ADSS2: variants seen among roughly 807,000 people sequenced by gnomAD.
ADSS2 encodes adenylosuccinate synthetase isozyme 2.
Under a neutral mutation model 60.0 loss-of-function variants are expected in ADSS2, and 30 were observed. The ratio of observed to expected loss-of-function variants is 0.50; its 90% CI spans 0.37 to 0.68. The LOEUF is 0.68. ADSS2 is among the 30% of genes least tolerant of loss of function. The pLI is 0.00. For synonymous variants in ADSS2, 187 were observed against 193.1 expected (o/e 0.97, Z 0.26); for missense variants, 373 against 554.8 (o/e 0.67, Z 3.29).
At chr1:244,451,928 C>T (rs1665634354), upstream of ADSS2, 3 of 1,172,914 alleles carry the variant, frequency 2.6e-6, no homozygotes, top group Non-Finnish European at 2.3e-6. This position sits in a 1 kb window ranked among gnomAD's most constrained non-coding sequence, Gnocchi z 6.6. Context: ...AGCCAGAGGC[C>T]GGCCCCGCCC....
At chr1:244,428,483 AG>A (rs1366281427) in intron 4 of ADSS2, among the ~76,000 whole-genome samples, 6 of 151,696 alleles carry the variant, frequency 4.0e-5, no homozygotes, top group Non-Finnish European at 8.8e-5. Flanking sequence ...ACATTAGAAA[AG>A]AAAGAGGAAG....
At chr1:244,417,068 T>C (rs1195552452) in intron 10 of ADSS2, among the ~76,000 whole-genome samples, 1 of 152,234 alleles carries the variant, frequency 6.6e-6, no homozygotes, top group Admixed American at 6.5e-5. Flanking sequence ...AACTTAACTT[T>C]CCCTGAGCAC....
At chr1:244,426,675 A>G (rs1353834308) in intron 4 of ADSS2, among the ~76,000 whole-genome samples, 1 of 152,146 alleles carries the variant, frequency 6.6e-6, no homozygotes, top group Non-Finnish European at 1.5e-5. Context: ...GACTTGGTAC[A>G]TGTAATAGCC....
intron 1 of ADSS2, among the ~76,000 whole-genome samples, chr1:244,443,932 C>T (rs1371447640): frequency 6.6e-6 from 1 of 152,106 alleles, no homozygotes; most frequent in Non-Finnish European, 1.5e-5. Context: ...CAGGTTGAGG[C>T]CAATTTTTAA....
At chr1:244,448,750 T>A (rs1665457394) in intron 1 of ADSS2, among the ~76,000 whole-genome samples, 1 of 152,208 alleles carries the variant, frequency 6.6e-6, no homozygotes, top group Non-Finnish European at 1.5e-5. Context: ...AGAAAGGGAC[T>A]TTCTTGGTCC....
At position 244,424,016 on chromosome 1, in the gene ADSS2, T is replaced by C. The variant is rs778267794; in HGVS notation, c.518A>G (p.Lys173Arg). The change falls in exon 6 of 13, where the codon AAA (lysine) becomes AGA (arginine). Residue 173 changes from lysine to arginine, a missense_variant. Physicochemically the swap from Lys to Arg is conservative, Grantham distance 26. Transcript: ENST00000366535. ...KKGIGPVYSS[K>R]AARSGLRMCD... ...CATCCTGAGTCCACTCCGAGCAGCT[T>C]TGGACGAATAAACTGGGCCAATGCC... 1 of 1,613,512 alleles carries C rather than the reference T, an allele frequency of 6.2e-7. No homozygotes were observed. The highest frequency in any genetic ancestry group is 8.5e-7 in the Non-Finnish European group (1 of 1,179,798).
intron 1 of ADSS2, among the ~76,000 whole-genome samples, chr1:244,443,845 C>T (rs1404364486): frequency 6.6e-6 from 1 of 152,136 alleles, no homozygotes; most frequent in Non-Finnish European, 1.5e-5. Context: ...AGTGGCGGAG[C>T]GGCTCTCCAG....
intron 12 of ADSS2, among the ~76,000 whole-genome samples, chr1:244,410,160 CT>C (rs1161848785): frequency 6.6e-6 from 1 of 152,148 alleles, no homozygotes; most frequent in Non-Finnish European, 1.5e-5. Context: ...GTTAGACTCA[CT>C]GCTGTTTATA....
chr1:244,447,599 T>G (rs1190993485), intron 1 of ADSS2, among the ~76,000 whole-genome samples: 1 of 152,144 alleles, frequency 6.6e-6, no homozygotes, highest in Non-Finnish European at 1.5e-5. Flanking sequence ...AGGAGATACA[T>G]GAAAAAGATA....
At chr1:244,441,219 C>T (rs984728626) in intron 1 of ADSS2, among the ~76,000 whole-genome samples, 3 of 152,026 alleles carry the variant, frequency 2.0e-5, no homozygotes, top group Admixed American at 6.6e-5. Context: ...CCGCCATGCC[C>T]GGCTAATTTT....
chr1:244,422,799 A>G, intron 7 of ADSS2, 36 bp downstream of exon 7: 1 of 1,494,170 alleles, frequency 6.7e-7, no homozygotes, highest in Non-Finnish European at 9.3e-7. Flanking sequence ...GCAAACAAGT[A>G]TTAAAAAGAA....
intron 1 of ADSS2, among the ~76,000 whole-genome samples, chr1:244,440,433 T>A (rs981492191): frequency 6.6e-5 from 10 of 152,166 alleles, no homozygotes; most frequent in East Asian, 3.9e-4. Context: ...GCATATATTT[T>A]AAAAAACAAC....
Position 244,422,918 on chromosome 1 carries a change from T to C in ADSS2, c.582-2A>G. 1 of 1,545,554 alleles carries C rather than the reference T, an allele frequency of 6.5e-7. No individual in the cohort carries two copies. Among genetic ancestry groups the C allele is most frequent in the South Asian group, 1.1e-5 (1 of 87,564 alleles). ...TATTGGTTAGCTAGAACTTTAAACC[T>C]GAGAAACACAGATAAATCAAGACAT... On this transcript the variant is annotated splice_acceptor_variant, in intron 6 of 12. Transcript: ENST00000366535. LOFTEE classifies it high-confidence loss of function.
intron 8 of ADSS2, 58 bp from the exon 9 acceptor site, chr1:244,418,972 C>A: frequency 7.1e-7 from 1 of 1,418,364 alleles, no homozygotes; most frequent in Non-Finnish European, 9.6e-7. Context: ...CATTTTAAAA[C>A]AGAATTACCG....
At chr1:244,415,940 C>G in intron 11 of ADSS2, 41 bp downstream of exon 11, 2 of 1,402,574 alleles carry the variant, frequency 1.4e-6, no homozygotes, top group East Asian at 4.6e-5. Flanking sequence ...CTAATACATT[C>G]ACCTTATAAT....
At chr1:244,435,194 A>AAAAAAAAACAAAAAAAC (rs1553308065) in intron 3 of ADSS2, among the ~76,000 whole-genome samples, 3 of 127,852 alleles carry the variant, frequency 2.3e-5, no homozygotes, top group Admixed American at 7.6e-5. Flanking sequence ...AAAAAAAAAA[A>AAAAAAAAACAAAAAAAC]AAACAAACCT....
At chr1:244,449,495 C>T (rs1665477771) in intron 1 of ADSS2, among the ~76,000 whole-genome samples, 1 of 152,214 alleles carries the variant, frequency 6.6e-6, no homozygotes, top group Admixed American at 6.5e-5. Flanking sequence ...TATACACACT[C>T]ACTAAGAACT....
intron 3 of ADSS2, among the ~76,000 whole-genome samples, chr1:244,434,836 G>A (rs565087158): frequency 3.8e-4 from 58 of 152,228 alleles, no homozygotes; most frequent in African/African-American, 1.4e-3. Flanking sequence ...ACAGGGTTCT[G>A]TAGTGGTTAA....
intron 4 of ADSS2, among the ~76,000 whole-genome samples, chr1:244,425,601 T>C (rs1664785612): frequency 6.6e-6 from 1 of 152,180 alleles, no homozygotes; most frequent in Non-Finnish European, 1.5e-5. Context: ...ACCATGTATG[T>C]ACTCTTCTCT....
Sources: gnomAD v4.1 joint callset for allele counts (sites outside exome capture counted in the v4.1 genomes callset) on GRCh38, gnomAD v4.1.1 for gene constraint, Gnocchi (gnomAD v3.1) non-coding constraint, MANE v1.5 for transcripts, NCBI Gene and HGNC (gene_info 2026-07-23, HGNC 2026-07-21) for gene names.